The following PHF24 variants were observed in gnomAD, a reference collection of about 807,000 sequenced individuals.
PHF24 encodes the protein PHD finger protein 24.
A neutral mutation model predicts 42.6 loss-of-function variants in PHF24; 25 were observed. The ratio of observed to expected loss-of-function variants is 0.59; its 90% CI spans 0.43 to 0.82. The LOEUF (loss-of-function observed/expected upper bound fraction) is 0.82, where lower values mean the gene tolerates loss of function less well. PHF24 is among the 40% of genes least tolerant of loss of function. PHF24 has a pLI of 0.00. For synonymous variants in PHF24, 185 were observed against 204.8 expected, an observed-to-expected ratio of 0.90 and a Z score of 0.83; for missense variants, 470 against 538.1, an observed-to-expected ratio of 0.87 and a Z score of 1.25.
chr9:34,837,194 G>A, the PHF24 span: 2 of 459,798 alleles, frequency 4.3e-6, no homozygotes, highest in Non-Finnish European at 9.0e-6. Context: ...ATCTGGAGGA[G>A]GTTGGAGGCC....
the PHF24 span, chr9:34,723,537 T>C: frequency 6.4e-7 from 1 of 1,551,796 alleles, no homozygotes; most frequent in Non-Finnish European, 8.7e-7. Context: ...GCTGAGAACA[T>C]GGAGTCCTCA....
At chr9:34,833,438 T>G in the PHF24 span, 54 of 1,549,996 alleles carry the variant, frequency 3.5e-5, no homozygotes, top group Non-Finnish European at 4.7e-5. Flanking sequence ...CCCTTCTGGA[T>G]TAGGGGCAGG....
chr9:34,945,710 A>G, the PHF24 span, among the ~76,000 whole-genome samples: 5 of 152,098 alleles, frequency 3.3e-5, no homozygotes, highest in Non-Finnish European at 7.4e-5. Flanking sequence ...CCCTTCCACC[A>G]TGTTATAACA....
chr9:34,684,318 A>G, the PHF24 span, among the ~76,000 whole-genome samples: 1 of 152,210 alleles, frequency 6.6e-6, no homozygotes. Flanking sequence ...CCAGGGCTGG[A>G]AACCTATGTG....
the PHF24 span, among the ~76,000 whole-genome samples, chr9:34,682,150 AT>A: frequency 0.015 from 1,351 of 93,114 alleles, 12 homozygotes; most frequent in African/African-American, 0.032. Context: ...AATTATTTCT[AT>A]TTTTTTTTTT....
At chr9:34,731,312 A>G in the PHF24 span, among the ~76,000 whole-genome samples, 1 of 152,188 alleles carries the variant, frequency 6.6e-6, no homozygotes, top group Non-Finnish European at 1.5e-5. Flanking sequence ...TTATTTGAAA[A>G]TGTACAATAA....
At chr9:34,899,536 C>T in the PHF24 span, among the ~76,000 whole-genome samples, 3 of 152,130 alleles carry the variant, frequency 2.0e-5, no homozygotes, top group South Asian at 4.1e-4. Flanking sequence ...ACCAAGGTGC[C>T]GGGGACAGAG....
At chr9:34,756,161 A>G in the PHF24 span, among the ~76,000 whole-genome samples, 1 of 152,116 alleles carries the variant, frequency 6.6e-6, no homozygotes, top group Admixed American at 6.5e-5. Context: ...GGGCAGTGGC[A>G]TGATCTCAGC....
chr9:34,803,843 G>A, the PHF24 span, among the ~76,000 whole-genome samples: 1 of 152,166 alleles, frequency 6.6e-6, no homozygotes, highest in Non-Finnish European at 1.5e-5. Context: ...GCAATAATAT[G>A]CAGCATTAGT....
chr9:34,762,746 G>C, the PHF24 span, among the ~76,000 whole-genome samples: 1 of 151,938 alleles, frequency 6.6e-6, no homozygotes, highest in Non-Finnish European at 1.5e-5. Context: ...CATTGCTTTT[G>C]GTGTTTTAGA....
At chr9:34,722,088 C>G in the PHF24 span, among the ~76,000 whole-genome samples, 1 of 152,230 alleles carries the variant, frequency 6.6e-6, no homozygotes, top group Non-Finnish European at 1.5e-5. Context: ...TTCTCACTCT[C>G]TCTGTATTAT....
the PHF24 span, among the ~76,000 whole-genome samples, chr9:34,940,578 C>G: frequency 5.9e-5 from 9 of 151,976 alleles, no homozygotes; most frequent in African/African-American, 2.2e-4. Context: ...ATAGTGAGAC[C>G]CCATCTCTCC....
the PHF24 span, among the ~76,000 whole-genome samples, chr9:34,704,584 A>G: frequency 0.13 from 19,310 of 152,110 alleles, 2,740 homozygotes; most frequent in African/African-American, 0.35. Context: ...CTGTAATCCC[A>G]GCACTTTGGG....
the PHF24 span, among the ~76,000 whole-genome samples, chr9:34,691,576 C>T: frequency 6.6e-6 from 1 of 152,202 alleles, no homozygotes; most frequent in Non-Finnish European, 1.5e-5. Context: ...AGCTGGGGTT[C>T]AGAAGTGATG....
chr9:34,702,462 A>G, the PHF24 span, among the ~76,000 whole-genome samples: 2 of 152,222 alleles, frequency 1.3e-5, no homozygotes, highest in Admixed American at 1.3e-4. Flanking sequence ...ACCACAACCC[A>G]TGATTCTAAA....
At chr9:34,768,089 A>C in the PHF24 span, among the ~76,000 whole-genome samples, 1 of 152,172 alleles carries the variant, frequency 6.6e-6, no homozygotes, top group Non-Finnish European at 1.5e-5. Flanking sequence ...TGACAGACAT[A>C]TTGCATCTAT....
the PHF24 span, chr9:34,725,806 T>G: frequency 2.6e-6 from 4 of 1,548,980 alleles, no homozygotes; most frequent in African/African-American, 4.1e-5. Context: ...TAGGGAGCAG[T>G]TGGGGGAAGG....
chr9:34,906,050 G>A, the PHF24 span, among the ~76,000 whole-genome samples: 26 of 152,076 alleles, frequency 1.7e-4, 1 homozygote, highest in Admixed American at 4.6e-4. Flanking sequence ...CCTGAGGGTT[G>A]AGAAGGAAAG....
At chr9:34,918,430 G>A in the PHF24 span, 4 of 522,882 alleles carry the variant, frequency 7.6e-6, no homozygotes, top group Non-Finnish European at 1.4e-5. Flanking sequence ...AAAATCATGG[G>A]GAATTTTTCC....
Sources: gnomAD v4.1 joint callset for allele counts (sites outside exome capture counted in the v4.1 genomes callset) on GRCh38, gnomAD v4.1.1 for gene constraint, MANE v1.5 for transcripts, NCBI Gene and HGNC (gene_info 2026-07-23, HGNC 2026-07-21) for gene names.